Variants in PCDHGA6 observed in about 807,000 individuals in gnomAD.
PCDHGA6 encodes protocadherin gamma-A6.
Under a neutral mutation model 60.6 loss-of-function variants are expected in PCDHGA6, and 41 were observed. That is an observed-to-expected ratio of 0.68 (90% CI 0.53 to 0.88). The LOEUF (loss-of-function observed/expected upper bound fraction) is 0.88. Ranked by LOEUF, PCDHGA6 falls within the 40% of genes least tolerant of loss-of-function variation. The probability of loss-of-function intolerance (pLI) is 0.00; values close to 1 mark genes in which losing one functional copy is unlikely to be tolerated. For missense variants in PCDHGA6, 1,312 were observed against 1,203.0 expected (o/e 1.09, Z -1.34); for synonymous variants, 594 against 524.4 (o/e 1.13, Z -1.81).
At chr5:141,433,044 A>T in intron 1 of PCDHGA6, 2 of 1,613,972 alleles carry the variant, frequency 1.2e-6, no homozygotes, top group Non-Finnish European at 8.5e-7. Flanking sequence ...CTCACCACGG[A>T]CTCGCGGAAG....
At chr5:141,456,574 T>G (rs373414652) in intron 1 of PCDHGA6, among the ~76,000 whole-genome samples, 3 of 152,198 alleles carry the variant, frequency 2.0e-5, no homozygotes, top group South Asian at 4.1e-4. Flanking sequence ...ACATTTTCCC[T>G]GAGCCTGTCA....
chr5:141,506,740 T>C (rs1006665092), intron 3 of PCDHGA6, among the ~76,000 whole-genome samples: 2 of 152,104 alleles, frequency 1.3e-5, no homozygotes, highest in African/African-American at 2.4e-5. Context: ...ATAATGCCTA[T>C]TAATAAAGAC....
chr5:141,403,026 AGGCCAG>A, intron 1 of PCDHGA6: 1 of 1,614,074 alleles, frequency 6.2e-7, no homozygotes, highest in Non-Finnish European at 8.5e-7. Context: ...ATGCTATGGG[AGGCCAG>A]GGCCAGTCAG....
chr5:141,383,743 C>T (rs371173445), intron 1 of PCDHGA6: 56 of 1,613,920 alleles, frequency 3.5e-5, no homozygotes, highest in Non-Finnish European at 4.7e-5. Flanking sequence ...ATATTCTTTT[C>T]GGAAAATAAC....
At chr5:141,422,664 C>T (rs2096662670) in intron 1 of PCDHGA6, 4 of 1,608,458 alleles carry the variant, frequency 2.5e-6, no homozygotes, top group Non-Finnish European at 3.4e-6. Flanking sequence ...CCGCCCTCGA[C>T]CCGGACAGCA....
At chr5:141,409,524 A>AT (rs1357085904) in intron 1 of PCDHGA6, 9 of 1,613,854 alleles carry the variant, frequency 5.6e-6, no homozygotes, top group Non-Finnish European at 6.8e-6. Context: ...ATCACCTTGT[A>AT]TGTCGCTGAC....
Position 141,427,970 on chromosome 5 carries a change from C to A in PCDHGA6, c.2424+51463C>A, listed in dbSNP as rs760792774. On this transcript the variant is annotated intron_variant, in intron 1 of 3. Coordinates refer to ENST00000517434, the MANE Select transcript of PCDHGA6 (RefSeq NM_018919.3). ...ATGACAATGTGCCGCGGGTGCTGTA[C>A]CCCGCGCTGGGGCCCGATGGCTCCG... 1.9e-6 allele frequency: 3 copies of A among 1,592,510 alleles called. No individual in the cohort carries two copies. The Admixed American group carries it at 5.0e-5, about 27-fold the overall frequency.
intron 1 of PCDHGA6, chr5:141,414,538 A>C: frequency 1.2e-6 from 2 of 1,613,882 alleles, no homozygotes; most frequent in Non-Finnish European, 1.7e-6. Flanking sequence ...CAACCCACCT[A>C]CCTTCTCTCA....
chr5:141,504,546 G>A (rs911626023), intron 2 of PCDHGA6, among the ~76,000 whole-genome samples: 5 of 151,802 alleles, frequency 3.3e-5, no homozygotes, highest in African/African-American at 1.2e-4. Flanking sequence ...CATGGCAAAT[G>A]TTGGGGGACT....
At chr5:141,453,087 T>G (rs2098755775) in intron 1 of PCDHGA6, among the ~76,000 whole-genome samples, 1 of 152,150 alleles carries the variant, frequency 6.6e-6, no homozygotes, top group Non-Finnish European at 1.5e-5. Context: ...TTGATTAGTA[T>G]ATTTTCTGTT....
chr5:141,408,973 T>G lies in PCDHGA6; in HGVS notation c.2424+32466T>G, dbSNP rs754120948. 4.3e-5 allele frequency: 70 copies of G among 1,613,718 alleles called. No homozygotes were observed. In the Admixed American group the frequency reaches 6.5e-4, roughly 15 times the overall value. ...TTAGTCTTAGTGAAAATCTGCCCCC[T>G]GGGTCCCCTGTGTTGCAAGTGACAG... On this transcript the variant is annotated intron_variant, in intron 1 of 3. Transcript: ENST00000517434.
intron 1 of PCDHGA6, chr5:141,421,800 G>A: frequency 6.2e-7 from 1 of 1,613,846 alleles, no homozygotes; most frequent in Non-Finnish European, 8.5e-7. Context: ...ATGGGGCCAA[G>A]AATCCAGAGC....
At chr5:141,507,807 A>AACGG (rs1465406594) in intron 3 of PCDHGA6, among the ~76,000 whole-genome samples, 2 of 152,152 alleles carry the variant, frequency 1.3e-5, no homozygotes, top group East Asian at 3.9e-4. Flanking sequence ...CGCCCTGGGG[A>AACGG]ACGGACCCTG....
intron 1 of PCDHGA6, among the ~76,000 whole-genome samples, chr5:141,453,288 ATTAT>A (rs577328880): frequency 4.0e-5 from 6 of 151,342 alleles, no homozygotes; most frequent in Admixed American, 1.3e-4. Context: ...TAATTTTTTA[ATTAT>A]TTATTTATTT....
chr5:141,493,330 A>G lies in PCDHGA6; in HGVS notation c.2425-1477A>G, dbSNP rs979607147. 6.6e-6 allele frequency among the ~76,000 whole-genome samples: 1 copy of G among 152,182 alleles called. No homozygotes were observed. Among genetic ancestry groups the G allele is most frequent in the Non-Finnish European group, 1.5e-5 (1 of 68,020 alleles). On this transcript the variant is annotated intron_variant, in intron 1 of 3. Coordinates refer to ENST00000517434, the MANE Select transcript of PCDHGA6 (RefSeq NM_018919.3). The surrounding 1 kb of genome is among the most constrained non-coding windows in gnomAD (Gnocchi z 4.3). ...GTAAGAGAGATTCTAACCCCTGTCT[A>G]ACTCCAGAATGTGTGCTTTTAATTT... is the stretch of plus-strand genomic sequence containing the variant.
intron 1 of PCDHGA6, chr5:141,403,462 C>A: frequency 6.2e-7 from 1 of 1,614,050 alleles, no homozygotes; most frequent in South Asian, 1.1e-5. Flanking sequence ...TCCAGAGCTA[C>A]CAGCTCAGCC....
At position 141,418,922 on chromosome 5, in the gene PCDHGA6, C is replaced by G. The variant is rs180948941; in HGVS notation, c.2424+42415C>G. The G allele has an allele frequency of 3.7e-6, 6 of 1,613,994 alleles. 1 individual carries two copies. In the Admixed American group the frequency reaches 6.7e-5, roughly 18 times the overall value. On this transcript the variant is annotated intron_variant, in intron 1 of 3. Coordinates refer to ENST00000517434, the MANE Select transcript of PCDHGA6 (RefSeq NM_018919.3). ...AATAATCATCACGTCACTCTCTGAT[C>G]AGATTATGGAGGATTCCCCTCCAGG...
chr5:141,436,856 G>A (rs942357563), intron 1 of PCDHGA6, among the ~76,000 whole-genome samples: 2 of 152,246 alleles, frequency 1.3e-5, no homozygotes, highest in Admixed American at 1.3e-4. Context: ...TGATTGAGAA[G>A]CCACAGTTTT....
chr5:141,428,037 C>T, intron 1 of PCDHGA6: 1 of 1,608,458 alleles, frequency 6.2e-7, no homozygotes, highest in South Asian at 1.1e-5. Context: ...GTCCGGCTAC[C>T]TGGTGACCAA....
Sources: gnomAD v4.1 joint callset for allele counts (sites outside exome capture counted in the v4.1 genomes callset) on GRCh38, gnomAD v4.1.1 for gene constraint, Gnocchi (gnomAD v3.1) non-coding constraint, MANE v1.5 for transcripts, NCBI Gene and HGNC (gene_info 2026-07-23, HGNC 2026-07-21) for gene names.